Variants in CRTC1 observed in about 807,000 individuals in gnomAD.
The protein encoded by CRTC1 is CREB-regulated transcription coactivator 1.
In CRTC1, 18 loss-of-function variants were observed where a neutral mutation model predicts 66.1. The observed-to-expected ratio is 0.27, with a 90% CI of 0.19 to 0.40. The LOEUF (loss-of-function observed/expected upper bound fraction) is 0.40. Among genes scored for constraint, CRTC1 ranks in the 10% least tolerant of loss-of-function variants. The pLI, the probability that CRTC1 is intolerant of heterozygous loss-of-function variation, is 1.00. For synonymous variants in CRTC1, 416 were observed against 398.8 expected, an observed-to-expected ratio of 1.04 and a Z score of -0.51; for missense variants, 669 against 887.9, an observed-to-expected ratio of 0.75 and a Z score of 3.13.
At chr19:18,765,132 T>C (rs552043891) in intron 8 of CRTC1, among the ~76,000 whole-genome samples, 2 of 152,240 alleles carry the variant, frequency 1.3e-5, no homozygotes, top group East Asian at 3.9e-4. Flanking sequence ...GGGGCCAATC[T>C]TATGCTCCAG....
At position 18,778,180 on chromosome 19, in the gene CRTC1, G is replaced by C. The variant is rs1451259275; in HGVS notation, c.*798G>C. 2.1e-5 allele frequency: 5 copies of C among 233,010 alleles called. No homozygotes were observed. The highest frequency in any genetic ancestry group is 1.3e-3 in the Middle Eastern group (1 of 786). 14.4% of individuals were successfully genotyped at this position (233,010 alleles called of 1,614,324 possible). ...ACGCGGAGGCAGGGGTTACCTCTTG[G>C]GGCTTTACAATCCGTGGCCCCTCCT... On this transcript the variant is annotated 3_prime_UTR_variant, in exon 14 of 14. Coordinates refer to ENST00000321949, the MANE Select transcript of CRTC1 (RefSeq NM_015321.3).
chr19:18,761,182 G>C (rs919297464), intron 8 of CRTC1, among the ~76,000 whole-genome samples: 2 of 152,154 alleles, frequency 1.3e-5, no homozygotes, highest in South Asian at 2.1e-4. Flanking sequence ...CCCTTGGCAA[G>C]GCCGTCCCGG....
intron 1 of CRTC1, among the ~76,000 whole-genome samples, chr19:18,689,800 T>G (rs1320321503): frequency 6.6e-6 from 1 of 151,332 alleles, no homozygotes; most frequent in Non-Finnish European, 1.5e-5. Context: ...TGTTGGCATC[T>G]TTGTCCACGT....
At chr19:18,704,020 TG>T (rs1452417129) in intron 1 of CRTC1, among the ~76,000 whole-genome samples, 10 of 152,270 alleles carry the variant, frequency 6.6e-5, no homozygotes, top group African/African-American at 2.4e-4. Flanking sequence ...TTTTGTGGAA[TG>T]TCCTTATTGT....
intron 8 of CRTC1, among the ~76,000 whole-genome samples, chr19:18,762,583 A>G (rs2054638738): frequency 6.6e-6 from 1 of 152,174 alleles, no homozygotes; most frequent in Non-Finnish European, 1.5e-5. Flanking sequence ...TGCTTTCCAG[A>G]GTGCAGGAGG....
rs181609067 is a variant in CRTC1, at chr19:18,778,428, G to A, written c.*1046G>A. On this transcript the variant is annotated 3_prime_UTR_variant, in exon 14 of 14. Transcript: ENST00000321949. Reference sequence around the variant, plus strand: ...ATTTTTTAAGCTAACTGGAAATGGAGGCCATGCGCCCCAAAGCAGCCCGCC... The same window carrying A: ...ATTTTTTAAGCTAACTGGAAATGGAAGCCATGCGCCCCAAAGCAGCCCGCC... The A allele has an allele frequency of 1.4e-3, 318 of 232,068 alleles. No homozygotes were observed. In the Middle Eastern group the frequency reaches 0.014, roughly 10 times the overall value. 14.4% of individuals were successfully genotyped at this position (232,068 alleles called of 1,614,324 possible).
chr19:18,711,452 C>A (rs984728256), intron 1 of CRTC1, among the ~76,000 whole-genome samples: 1 of 152,062 alleles, frequency 6.6e-6, no homozygotes, highest in Non-Finnish European at 1.5e-5. Context: ...GCACTTCCAG[C>A]GTTTCAGGAG....
intron 8 of CRTC1, among the ~76,000 whole-genome samples, chr19:18,765,029 C>T (rs1186038057): frequency 6.6e-6 from 1 of 152,218 alleles, no homozygotes; most frequent in African/African-American, 2.4e-5. Context: ...CCACAGGATG[C>T]CCCACACACG....
chr19:18,758,809 CTG>C (rs1308962902), intron 6 of CRTC1, among the ~76,000 whole-genome samples: 3 of 152,238 alleles, frequency 2.0e-5, no homozygotes, highest in Non-Finnish European at 4.4e-5. Context: ...TCCCTGGAGA[CTG>C]GTGGCTGCTC....
chr19:18,684,144 AG>A (rs1185236944), intron 1 of CRTC1, among the ~76,000 whole-genome samples: 1 of 151,852 alleles, frequency 6.6e-6, no homozygotes, highest in Non-Finnish European at 1.5e-5. Context: ...GTTACCTGAC[AG>A]GGGACAGGTG....
chr19:18,765,285 A>G lies in CRTC1; in HGVS notation c.887-119A>G, dbSNP rs1179654359. 7.0e-6 allele frequency: 10 copies of G among 1,422,386 alleles called. No homozygotes were observed. In the Admixed American group the frequency reaches 1.1e-4, roughly 16 times the overall value. 88.1% of individuals were successfully genotyped at this position (1,422,386 alleles called of 1,614,324 possible). On this transcript the variant is annotated intron_variant, in intron 8 of 13. Coordinates refer to ENST00000321949, the MANE Select transcript of CRTC1 (RefSeq NM_015321.3). ...CAGGTTTGGCAGTTGGGACATGTCC[A>G]TGGGCTTCTGTCTGAGCAGTTGAGC...
intron 1 of CRTC1, among the ~76,000 whole-genome samples, chr19:18,719,605 G>A (rs927833903): frequency 7.2e-5 from 11 of 152,260 alleles, no homozygotes; most frequent in Non-Finnish European, 1.3e-4. Flanking sequence ...GGGAGGCAGC[G>A]TCGAAAGAGC....
chr19:18,768,502 C>A lies in CRTC1; in HGVS notation c.1029C>A (p.Ala343=). 1 of 1,609,828 alleles carries A rather than the reference C, an allele frequency of 6.2e-7. No individual in the cohort carries two copies. Among genetic ancestry groups the A allele is most frequent in the Non-Finnish European group, 8.5e-7 (1 of 1,179,312 alleles). The change falls in exon 10 of 14, where the codon GCC becomes GCA. Residue 343 remains alanine (A), a synonymous_variant. Coordinates refer to ENST00000321949, the MANE Select transcript of CRTC1 (RefSeq NM_015321.3). This position sits in a 1 kb window ranked among gnomAD's most constrained non-coding sequence, Gnocchi z 5.6. ...SPITQAVAMD[A]LSLEQQLPYA... ...TCCTGCAGGCTGTAGCCATGGACGC[C>A]CTGTCTCTGGAGCAGCAGCTGCCCT...
At chr19:18,691,973 A>C (rs1042713701) in intron 1 of CRTC1, among the ~76,000 whole-genome samples, 4 of 151,934 alleles carry the variant, frequency 2.6e-5, no homozygotes, top group Non-Finnish European at 5.9e-5. Flanking sequence ...TCGGCCTCCC[A>C]ATGTGCTGGG....
chr19:18,706,182 C>CTTTTTT lies in CRTC1; in HGVS notation c.126+22390_126+22395dup, dbSNP rs58104974. ...GGGCTTTCTATTCTATTCCATTGGT[C>CTTTTTT]TTTTTTTTTTTTTTTTTTTTTTTTT... On this transcript the variant is annotated intron_variant, in intron 1 of 13. Coordinates refer to ENST00000321949, the MANE Select transcript of CRTC1 (RefSeq NM_015321.3). Among the ~76,000 whole-genome samples the CTTTTTT allele has an allele frequency of 9.1e-4, 17 of 18,718 alleles. 7 individuals carry two copies. The highest frequency in any genetic ancestry group is 1.6e-3 in the Non-Finnish European group (15 of 9,218). 12.3% of individuals were successfully genotyped at this position (18,718 alleles called of 152,430 possible).
chr19:18,749,638 G>C (rs1212539203), intron 4 of CRTC1, 143 bp from the exon 5 acceptor site: 13 of 673,382 alleles, frequency 1.9e-5, no homozygotes, highest in Non-Finnish European at 3.4e-5. Flanking sequence ...ATGAGGTCCC[G>C]AGAGCTTTGC....
intron 1 of CRTC1, among the ~76,000 whole-genome samples, chr19:18,738,795 C>T (rs1220898946): frequency 4.0e-5 from 6 of 151,742 alleles, no homozygotes; most frequent in Admixed American, 2.0e-4. Context: ...AGGGAGACTC[C>T]GTCTCAAAAC....
rs998011362 is a variant in CRTC1 at position 18,777,494 on chromosome 19, A to G, written c.*112A>G. Reference sequence around the variant, plus strand: ...CCGAGCTTGTGATTCTGAGCTTGCAATGCCGCCAAGCGCCCCCCGCCAGCC... The same window carrying G: ...CCGAGCTTGTGATTCTGAGCTTGCAGTGCCGCCAAGCGCCCCCCGCCAGCC... On this transcript the variant is annotated 3_prime_UTR_variant, in exon 14 of 14. Coordinates refer to ENST00000321949, the MANE Select transcript of CRTC1 (RefSeq NM_015321.3). This position sits in a 1 kb window ranked among gnomAD's most constrained non-coding sequence, Gnocchi z 5.5. 5.7e-6 allele frequency: 6 copies of G among 1,055,568 alleles called. No individual in the cohort carries two copies. The highest frequency in any genetic ancestry group is 3.1e-5 in the African/African-American group (2 of 63,894). 65.4% of individuals were successfully genotyped at this position (1,055,568 alleles called of 1,614,324 possible). A position where few individuals can be genotyped will look rare whatever the true frequency, so the allele number is the denominator to read the frequency against.
At chr19:18,720,525 G>GTTTTT (rs35827745) in intron 1 of CRTC1, among the ~76,000 whole-genome samples, 4 of 105,032 alleles carry the variant, frequency 3.8e-5, no homozygotes, top group Non-Finnish European at 5.7e-5. Context: ...AATTTTTAGT[G>GTTTTT]TTTTTTTTTT....
Sources: allele counts gnomAD v4.1 joint callset (sites outside exome capture counted in the v4.1 genomes callset), GRCh38; gene constraint gnomAD v4.1.1; non-coding constraint Gnocchi (gnomAD v3.1); transcripts MANE v1.5; gene names NCBI Gene and HGNC (gene_info 2026-07-23, HGNC 2026-07-21).